PRKDC: variants seen among roughly 807,000 people sequenced by gnomAD.
PRKDC encodes protein kinase, DNA-activated, catalytic subunit.
A neutral mutation model predicts 486.9 loss-of-function variants in PRKDC; 82 were observed. That is an observed-to-expected ratio of 0.17 (90% CI 0.14 to 0.20). The LOEUF (loss-of-function observed/expected upper bound fraction) is 0.20. PRKDC is among the 10% of genes least tolerant of loss of function. PRKDC has a pLI of 1.00. For missense variants in PRKDC, 4,504 were observed against 5,038.2 expected, an observed-to-expected ratio of 0.89 and a Z score of 3.21; for synonymous variants, 1,895 against 1,837.0, an observed-to-expected ratio of 1.03 and a Z score of -0.81.
chr8:47,806,944 C>T lies in PRKDC; in HGVS notation c.9747+193G>A, dbSNP rs570658617. On this transcript the variant is annotated intron_variant, in intron 69 of 85. Transcript: ENST00000314191. ...TTTCTGGGCTCAAGTGATCCGCCTG[C>T]CTTGGCCTCTCAAAATGCTGAGATT... 6.9e-4 allele frequency among the ~76,000 whole-genome samples: 105 copies of T among 152,298 alleles called. No individual in the cohort carries two copies. The Middle Eastern group carries it at 0.014, about 20-fold the overall frequency.
chr8:47,884,156 C>G (rs1426145836), intron 36 of PRKDC, among the ~76,000 whole-genome samples: 1 of 152,360 alleles, frequency 6.6e-6, no homozygotes, highest in South Asian at 2.1e-4. Context: ...GCCAGAGCCC[C>G]CAGTCTGGAG....
chr8:47,912,426 G>A lies in PRKDC; in HGVS notation c.2918C>T (p.Ala973Val), dbSNP rs768046320. ...KRTFPVLLRL[A>V]CDVDQVTRQL... ...AGCCCTTACCTGATCAACATCACAC[G>A]CAAGTCGAAGCAGCACAGGAAACGT... is the stretch of plus-strand genomic sequence containing the variant. The change falls in exon 25 of 86, where the codon GCG (alanine) becomes GTG (valine). Residue 973 changes from alanine to valine, a missense_variant. By Grantham distance (64) the Ala-to-Val change is moderately conservative. Coordinates refer to ENST00000314191, the MANE Select transcript of PRKDC (RefSeq NM_006904.7). 3.1e-6 allele frequency: 5 copies of A among 1,589,934 alleles called. No homozygotes were observed. Among genetic ancestry groups the A allele is most frequent in the South Asian group, 2.3e-5 (2 of 87,628 alleles).
At chr8:47,885,776 C>T (rs1181568618) in intron 36 of PRKDC, among the ~76,000 whole-genome samples, 168 bp downstream of exon 36, 3 of 152,068 alleles carry the variant, frequency 2.0e-5, no homozygotes, top group African/African-American at 7.2e-5. Flanking sequence ...CCTGTAATCC[C>T]AGCTACTCGG....
chr8:47,918,351 G>C lies in PRKDC; in HGVS notation c.2452C>G (p.Leu818Val), dbSNP rs757882531. 4 of 1,592,044 alleles carry C rather than the reference G, an allele frequency of 2.5e-6. No homozygotes were observed. Among genetic ancestry groups the C allele is most frequent in the Middle Eastern group, 1.7e-4 (1 of 6,022 alleles). Residue 818 changes from leucine (L) to valine (V), a missense_variant, in exon 22 of 86, where the codon CTT (leucine) becomes GTT (valine). Leu to Val is a conservative substitution (Grantham distance 32). Transcript: ENST00000314191. Reference sequence around the variant, plus strand: ...AATCCTTTCTGGGCAGCCCGAGAAAGAGCTGACACTTCCCAGTTATTCTTG... The same window carrying C: ...AATCCTTTCTGGGCAGCCCGAGAAACAGCTGACACTTCCCAGTTATTCTTG... Reference protein sequence around the residue: ...ETKNNWEVSALSRAAQKGFNK... With the variant: ...ETKNNWEVSAVSRAAQKGFNK...
chr8:47,874,801 T>C (rs1446626205), intron 40 of PRKDC, among the ~76,000 whole-genome samples: 1 of 151,976 alleles, frequency 6.6e-6, no homozygotes, highest in African/African-American at 2.4e-5. Flanking sequence ...GTGACTGTAA[T>C]CCCAGCACTT....
chr8:47,953,031 C>G (rs1365371127), intron 7 of PRKDC, among the ~76,000 whole-genome samples: 1 of 152,082 alleles, frequency 6.6e-6, no homozygotes, highest in Non-Finnish European at 1.5e-5. Context: ...ATCCCAGGTA[C>G]TCGGGAGGCT....
At chr8:47,792,097 C>T (rs2086891917) in intron 74 of PRKDC, among the ~76,000 whole-genome samples, 1 of 152,018 alleles carries the variant, frequency 6.6e-6, no homozygotes, top group Non-Finnish European at 1.5e-5. Flanking sequence ...CACAGAAAAA[C>T]TTCACATGTT....
In PRKDC at chr8:47,797,301, A is replaced by T. The variant is rs143216611; in HGVS notation, c.10458+936T>A. ...ATGTATAAATATTATATTGGAAAAA[A>T]ATAAAATCATAATGAAGTTATTTGC... is the stretch of plus-strand genomic sequence containing the variant. On this transcript the variant is annotated intron_variant, in intron 73 of 85. Transcript: ENST00000314191. Among the ~76,000 whole-genome samples the T allele has an allele frequency of 4.0e-3, 607 of 152,364 alleles. 4 individuals are homozygous for T. The highest frequency in any genetic ancestry group is 0.025 in the South Asian group (121 of 4,828).
At chr8:47,950,441 C>T (rs891475787) in intron 7 of PRKDC, among the ~76,000 whole-genome samples, 1 of 151,548 alleles carries the variant, frequency 6.6e-6, no homozygotes, top group African/African-American at 2.4e-5. Context: ...CTGGCTAACA[C>T]GGTGAAACCC....
intron 68 of PRKDC, 97 bp from the exon 69 acceptor site, chr8:47,807,423 G>T: frequency 8.8e-7 from 1 of 1,133,260 alleles, no homozygotes; most frequent in Non-Finnish European, 1.2e-6. Flanking sequence ...GTAAATGTTT[G>T]TTCTTTTTTT....
At position 47,828,309 on chromosome 8, in the gene PRKDC, C is replaced by A. The variant is rs1369934318; in HGVS notation, c.8436G>T (p.Leu2812Phe). 3 of 1,601,132 alleles carry A rather than the reference C, an allele frequency of 1.9e-6. No individual in the cohort carries two copies. The highest frequency in any genetic ancestry group is 2.2e-5 in the East Asian group (1 of 44,592). Residue 2812 changes from leucine to phenylalanine, a missense_variant, in exon 62 of 86, where the codon TTG becomes TTT. Coordinates refer to ENST00000314191, the MANE Select transcript of PRKDC (RefSeq NM_006904.7). ...CCATCTCTTTCAAAATTCCAGAAAA[C>A]AAGCTGCTAAAGAGCTGTTTTGCAA... is the stretch of plus-strand genomic sequence containing the variant. ...PIIAKQLFSS[L>F]FSGILKEMDK...
At position 47,789,061 on chromosome 8, in the gene PRKDC, A is replaced by C. The variant is rs901770979; in HGVS notation, c.10759-12T>G. 6.4e-5 allele frequency: 103 copies of C among 1,611,042 alleles called. No individual in the cohort carries two copies. The highest frequency in any genetic ancestry group is 8.7e-5 in the Non-Finnish European group (103 of 1,179,004). On this transcript the variant is annotated splice_polypyrimidine_tract_variant and intron_variant, in intron 75 of 85. Transcript: ENST00000314191. The stretch of plus-strand genomic sequence containing the variant: ...TCATTGCTCCAATCCTGTCAGGGGA[A>C]AAAAAAAGTAAGAAAAAAATCAAGC...
intron 16 of PRKDC, 42 bp from the exon 17 acceptor site, chr8:47,930,829 T>C (rs937095850): frequency 2.0e-6 from 3 of 1,496,792 alleles, no homozygotes; most frequent in South Asian, 1.3e-5. Flanking sequence ...TACCATTCAA[T>C]CACGAATCAC....
chr8:47,820,602 A>G, intron 66 of PRKDC, 117 bp downstream of exon 66: 6 of 646,494 alleles, frequency 9.3e-6, no homozygotes, highest in Non-Finnish European at 1.3e-5. Context: ...GATTTTTTTC[A>G]TGAGTTTACT....
intron 21 of PRKDC, among the ~76,000 whole-genome samples, chr8:47,924,550 ACT>A: frequency 6.6e-6 from 1 of 151,870 alleles, no homozygotes; most frequent in South Asian, 2.1e-4. Context: ...ACAGAGTGAG[ACT>A]CTGTCTCAAA....
At chr8:47,953,538 A>T in intron 7 of PRKDC, 82 bp downstream of exon 7, 1 of 1,277,642 alleles carries the variant, frequency 7.8e-7, no homozygotes, top group Non-Finnish European at 1.1e-6. Context: ...AGGATTGGTT[A>T]AGAGTTCAAA....
chr8:47,893,468 G>A, intron 30 of PRKDC, 81 bp from the exon 31 acceptor site: 3 of 1,309,400 alleles, frequency 2.3e-6, no homozygotes, highest in South Asian at 4.4e-5. Context: ...ATTTCAAAAT[G>A]TTATGGGACA....
At chr8:47,877,652 G>C (rs74365240) in intron 40 of PRKDC, 72 bp downstream of exon 40, 5 of 1,364,544 alleles carry the variant, frequency 3.7e-6, no homozygotes, top group Admixed American at 2.7e-5. Context: ...TTTTTTTTTG[G>C]AACAGAGAGG....
intron 59 of PRKDC, among the ~76,000 whole-genome samples, chr8:47,833,685 G>A (rs545888675): frequency 6.6e-5 from 10 of 152,058 alleles, no homozygotes; most frequent in South Asian, 2.1e-4. Flanking sequence ...ACCCTTTGCC[G>A]TTACTCTAGC....
Sources: gnomAD v4.1 joint callset for allele counts (sites outside exome capture counted in the v4.1 genomes callset) on GRCh38, gnomAD v4.1.1 for gene constraint, MANE v1.5 for transcripts, NCBI Gene and HGNC (gene_info 2026-07-23, HGNC 2026-07-21) for gene names.